DRC9: variants seen among roughly 807,000 people sequenced by gnomAD.
DRC9 encodes the protein dynein regulatory complex subunit 9, also known as dynein regulatory complex protein 9.
At chr3:197,931,793 T>C in the DRC9 span, among the ~76,000 whole-genome samples, 1 of 151,744 alleles carries the variant, frequency 6.6e-6, no homozygotes, top group Non-Finnish European at 1.5e-5. Flanking sequence ...CCCGGCTAAT[T>C]TTTTGTATTT....
At chr3:197,915,163 CAA>C in the DRC9 span, among the ~76,000 whole-genome samples, 1,457 of 71,346 alleles carry the variant, frequency 0.02, 29 homozygotes, top group African/African-American at 0.06. Context: ...GATTCTGTCT[CAA>C]AAAAAAAAAA....
chr3:197,946,138 A>ACT, the DRC9 span, among the ~76,000 whole-genome samples: 1 of 152,110 alleles, frequency 6.6e-6, no homozygotes. Flanking sequence ...ACACTTAGAA[A>ACT]AACTGTATTA....
At chr3:197,936,157 C>G in the DRC9 span, among the ~76,000 whole-genome samples, 1 of 151,246 alleles carries the variant, frequency 6.6e-6, no homozygotes, top group Admixed American at 6.6e-5. Context: ...GAGTAAGACT[C>G]TGTCTCAAAA....
At chr3:197,889,564 A>G in the DRC9 span, 2 of 1,614,036 alleles carry the variant, frequency 1.2e-6, no homozygotes, top group African/African-American at 1.3e-5. Context: ...AGCAGAAAAC[A>G]CAAAAGAGAA....
the DRC9 span, chr3:197,959,546 A>G: frequency 6.6e-6 from 1 of 152,228 alleles, no homozygotes; most frequent in Admixed American, 6.5e-5. Context: ...ATTCCCGTTG[A>G]ATGACTTCCA....
the DRC9 span, among the ~76,000 whole-genome samples, chr3:197,905,883 GA>G: frequency 1.1e-4 from 16 of 150,160 alleles, no homozygotes; most frequent in Non-Finnish European, 1.6e-4. Flanking sequence ...CTCAATTAAT[GA>G]AAAAAAAATC....
chr3:197,920,427 TAAA>T, the DRC9 span, among the ~76,000 whole-genome samples: 9 of 116,410 alleles, frequency 7.7e-5, no homozygotes, highest in Non-Finnish European at 7.3e-5. Flanking sequence ...CCATCTCAAT[TAAA>T]AAAAAAAAAA....
At chr3:197,945,989 A>AT in the DRC9 span, among the ~76,000 whole-genome samples, 1 of 152,194 alleles carries the variant, frequency 6.6e-6, no homozygotes, top group African/African-American at 2.4e-5. Context: ...TATATCACCG[A>AT]TTTTTAATTG....
At chr3:197,899,052 T>G in the DRC9 span, among the ~76,000 whole-genome samples, 3 of 152,210 alleles carry the variant, frequency 2.0e-5, no homozygotes, top group East Asian at 3.8e-4. Context: ...AATCAGTGTT[T>G]AGATGAAACA....
the DRC9 span, chr3:197,914,050 G>A: frequency 1.9e-6 from 3 of 1,612,336 alleles, no homozygotes; most frequent in South Asian, 2.2e-5. Context: ...ACTCTGTAGT[G>A]GAAAGACCAG....
chr3:197,944,510 G>A, the DRC9 span, among the ~76,000 whole-genome samples: 1 of 151,536 alleles, frequency 6.6e-6, no homozygotes, highest in Non-Finnish European at 1.5e-5. Flanking sequence ...GTGCAGTAGC[G>A]CGATCTTGGC....
chr3:197,951,564 G>A, the DRC9 span: 1 of 462,978 alleles, frequency 2.2e-6, no homozygotes, highest in Non-Finnish European at 4.0e-6. Context: ...TGTTGGCCAG[G>A]CTGGTCCCAA....
the DRC9 span, among the ~76,000 whole-genome samples, chr3:197,906,184 G>C: frequency 3.9e-5 from 6 of 152,312 alleles, no homozygotes; most frequent in South Asian, 1.2e-3. Flanking sequence ...CACGACAGGA[G>C]GGCGTCTCAC....
chr3:197,950,604 T>C, the DRC9 span: 8 of 389,164 alleles, frequency 2.1e-5, no homozygotes, highest in Non-Finnish European at 1.9e-5. Flanking sequence ...GTCTTACGTG[T>C]GTGTTTCTCT....
the DRC9 span, chr3:197,889,535 T>C: frequency 6.2e-7 from 1 of 1,612,120 alleles, no homozygotes; most frequent in South Asian, 1.1e-5. Context: ...CTCCAAGTCC[T>C]TCCCACCTCC....
At chr3:197,902,874 A>G in the DRC9 span, among the ~76,000 whole-genome samples, 14 of 152,218 alleles carry the variant, frequency 9.2e-5, no homozygotes, top group African/African-American at 3.4e-4. Flanking sequence ...AGAATAGCCA[A>G]AGCTATCCTG....
the DRC9 span, among the ~76,000 whole-genome samples, chr3:197,894,871 C>G: frequency 6.6e-6 from 1 of 152,094 alleles, no homozygotes; most frequent in South Asian, 2.1e-4. Flanking sequence ...TGAGGCCACC[C>G]TGAGCAACAT....
chr3:197,895,634 C>G, the DRC9 span, among the ~76,000 whole-genome samples: 1 of 152,026 alleles, frequency 6.6e-6, no homozygotes, highest in African/African-American at 2.4e-5. Flanking sequence ...ATATAAAAAT[C>G]TTAATTTAAA....
At chr3:197,891,908 CAG>C in the DRC9 span, among the ~76,000 whole-genome samples, 9 of 152,212 alleles carry the variant, frequency 5.9e-5, no homozygotes, top group African/African-American at 2.2e-4. Flanking sequence ...TGTTTTGAGA[CAG>C]AGTCTCACTC....
Sources: gnomAD v4.1 joint callset for allele counts (sites outside exome capture counted in the v4.1 genomes callset) on GRCh38, gnomAD v4.1.1 for gene constraint, MANE v1.5 for transcripts, NCBI Gene and HGNC (gene_info 2026-07-23, HGNC 2026-07-21) for gene names.